Variants in NLGN4X observed in about 807,000 individuals in gnomAD.
NLGN4X encodes the protein neuroligin 4 X-linked.
In NLGN4X, 3 loss-of-function variants were observed where a neutral mutation model predicts 40.3. The observed-to-expected ratio is 0.07, with a 90% CI of 0.03 to 0.19. The LOEUF is 0.19. Among genes scored for constraint, NLGN4X ranks in the 10% least tolerant of loss-of-function variants. The pLI is 1.00. For missense variants in NLGN4X, 382 were observed against 708.3 expected, an observed-to-expected ratio of 0.54 and a Z score of 5.23; for synonymous variants, 270 against 306.8, an observed-to-expected ratio of 0.88 and a Z score of 1.25.
intron 1 of NLGN4X, among the ~76,000 whole-genome samples, chrX:6,156,851 T>TA (rs1254281665): frequency 3.1e-4 from 30 of 96,259 alleles, no homozygotes; most frequent in East Asian, 1.6e-3. Context: ...ATCCCATGAA[T>TA]AAAAAAAAAA....
intron 1 of NLGN4X, among the ~76,000 whole-genome samples, chrX:6,181,209 G>A (rs778701326): frequency 1.7e-4 from 19 of 110,945 alleles, no homozygotes; most frequent in Admixed American, 4.8e-4. Flanking sequence ...AAATTTGAGC[G>A]GTGGTACAAA....
rs187220228 is a variant in NLGN4X, at chrX:5,968,193, T to G, written c.626-58954A>C. On this transcript the variant is annotated intron_variant, in intron 3 of 5. Transcript: ENST00000381095. ...TAATGCAATATTTTTATTACAACTC[T>G]CAGCTCCCTTTTCGATGGTTCGTTC... Among the ~76,000 whole-genome samples the G allele has an allele frequency of 4.6e-5, 5 of 108,769 alleles. No individual in the cohort carries two copies. The East Asian group carries it at 1.4e-3, about 31-fold the overall frequency. 94.5% of individuals were successfully genotyped at this position (108,769 alleles called of 115,157 possible).
chrX:6,152,667 C>T (rs778843609), intron 1 of NLGN4X, among the ~76,000 whole-genome samples: 3 of 112,336 alleles, frequency 2.7e-5, no homozygotes, highest in Non-Finnish European at 5.6e-5. Flanking sequence ...TTAGGCTACA[C>T]ACTTCACTGC....
At chrX:6,040,319 A>G (rs920052770) in intron 2 of NLGN4X, among the ~76,000 whole-genome samples, 4 of 111,562 alleles carry the variant, frequency 3.6e-5, no homozygotes, top group African/African-American at 6.5e-5. Context: ...AGGTATACAG[A>G]TATTAAATAA....
chrX:5,991,649 T>A (rs1432318635), intron 3 of NLGN4X: 3 of 392,264 alleles, frequency 7.6e-6, no homozygotes, highest in Non-Finnish European at 1.4e-5. Flanking sequence ...CATCCATCAG[T>A]GCTAATAACA....
chrX:6,101,743 T>C (rs2038912085), intron 2 of NLGN4X, among the ~76,000 whole-genome samples: 1 of 110,068 alleles, frequency 9.1e-6, no homozygotes, highest in Admixed American at 9.7e-5. Context: ...AAAGAATAAA[T>C]AAGACCTAGT....
intron 1 of NLGN4X, among the ~76,000 whole-genome samples, chrX:6,166,680 G>A (rs1026069573): frequency 1.8e-5 from 2 of 110,347 alleles, no homozygotes; most frequent in East Asian, 2.9e-4. Context: ...TAAGGAGCAT[G>A]TGCATGGAAG....
At chrX:6,191,720 G>A (rs868750674) in intron 1 of NLGN4X, among the ~76,000 whole-genome samples, 5 of 111,356 alleles carry the variant, frequency 4.5e-5, no homozygotes, top group Non-Finnish European at 7.5e-5. Context: ...CTAGCTGAGC[G>A]TTGCAGTGGG....
intron 1 of NLGN4X, among the ~76,000 whole-genome samples, chrX:6,180,078 C>T (rs1333479351): frequency 9.0e-6 from 1 of 111,279 alleles, no homozygotes; most frequent in Non-Finnish European, 1.9e-5. Flanking sequence ...AAATAGATGC[C>T]CTTAATAAAT....
chrX:6,073,527 G>T (rs2038118869), intron 2 of NLGN4X, among the ~76,000 whole-genome samples: 1 of 112,169 alleles, frequency 8.9e-6, no homozygotes, highest in Non-Finnish European at 1.9e-5. Context: ...ACAGGGAGGG[G>T]AGTGAAGAAA....
intron 1 of NLGN4X, among the ~76,000 whole-genome samples, chrX:6,211,248 C>T (rs992713557): frequency 9.0e-6 from 1 of 111,362 alleles, no homozygotes; most frequent in East Asian, 2.8e-4. Context: ...TTTTTTGAAA[C>T]ATACAAAAGA....
chrX:6,042,318 T>C (rs1395302922), intron 2 of NLGN4X, among the ~76,000 whole-genome samples: 5 of 110,999 alleles, frequency 4.5e-5, no homozygotes, highest in African/African-American at 9.8e-5. Flanking sequence ...CTCTGACATA[T>C]TCCTGTGCTT....
chrX:6,078,020 C>A (rs757448590), intron 2 of NLGN4X, among the ~76,000 whole-genome samples: 5 of 111,617 alleles, frequency 4.5e-5, no homozygotes, highest in African/African-American at 1.6e-4. Context: ...TTAAATTTTG[C>A]GAGACCCTTT....
chrX:5,914,610 A>G (rs2032683690), intron 3 of NLGN4X, among the ~76,000 whole-genome samples: 1 of 42,793 alleles, frequency 2.3e-5, no homozygotes, highest in African/African-American at 1.3e-4. Context: ...TATATATAAT[A>G]TATGTATGTA....
At position 6,139,813 on chromosome X, in the gene NLGN4X, G is replaced by A. The variant is rs370161993; in HGVS notation, c.472+11182C>T. Reference sequence around the variant, plus strand: ...AGATATCCACTTAGACTCACCCAAGGCCTTGTCTATGCTGATTGCAAATAA... The same window carrying A: ...AGATATCCACTTAGACTCACCCAAGACCTTGTCTATGCTGATTGCAAATAA... On this transcript the variant is annotated intron_variant, in intron 2 of 5. Transcript: ENST00000381095. Among the ~76,000 whole-genome samples the A allele has an allele frequency of 7.8e-4, 87 of 111,592 alleles. No homozygotes were observed. The Middle Eastern group carries it at 0.019, about 24-fold the overall frequency.
At chrX:6,176,609 A>G (rs1044519174) in intron 1 of NLGN4X, among the ~76,000 whole-genome samples, 1 of 112,244 alleles carries the variant, frequency 8.9e-6, no homozygotes. Context: ...AGAAAAGAGG[A>G]AGAACCAGAA....
intron 3 of NLGN4X, among the ~76,000 whole-genome samples, chrX:5,975,612 C>CAAAAAAAAAAAAAA (rs60917858): frequency 1.9e-5 from 1 of 53,890 alleles, no homozygotes; most frequent in African/African-American, 6.6e-5. Flanking sequence ...GACTCCGTTT[C>CAAAAAAAAAAAAAA]AAAAAAAAAA....
At chrX:5,898,287 G>C (rs6639538) in intron 5 of NLGN4X, among the ~76,000 whole-genome samples, 562 of 68,098 alleles carry the variant, frequency 8.3e-3, no homozygotes, top group African/African-American at 0.011. Flanking sequence ...ATTCCCTCCC[G>C]CCCTCCTTTT....
intron 1 of NLGN4X, among the ~76,000 whole-genome samples, chrX:6,165,823 A>G (rs745870934): frequency 2.7e-5 from 3 of 111,324 alleles, no homozygotes; most frequent in African/African-American, 9.8e-5. Flanking sequence ...GTCTTTATTT[A>G]TTTTTTTGTG....
Sources: gnomAD v4.1 joint callset for allele counts (sites outside exome capture counted in the v4.1 genomes callset) on GRCh38, gnomAD v4.1.1 for gene constraint, MANE v1.5 for transcripts, NCBI Gene and HGNC (gene_info 2026-07-23, HGNC 2026-07-21) for gene names.